Variants in COX19 observed in about 807,000 individuals in gnomAD.
The protein encoded by COX19 is cytochrome c oxidase assembly factor COX19, also known as cytochrome c oxidase assembly protein COX19.
In COX19, 8 loss-of-function variants were observed where a neutral mutation model predicts 6.8. The ratio of observed to expected loss-of-function variants is 1.18; its 90% CI spans 0.69 to 2.12. The LOEUF (loss-of-function observed/expected upper bound fraction) is 2.12. COX19 is among the 30% of genes most tolerant of loss of function. The pLI is 0.00. For synonymous variants in COX19, 51 were observed against 38.0 expected (o/e 1.34, Z -1.26); for missense variants, 131 against 104.6 (o/e 1.25, Z -1.10).
chr7:966,677 C>G lies in COX19; in HGVS notation c.*2701G>C, dbSNP rs1847559717. 6.6e-6 allele frequency: 1 copy of G among 152,272 alleles called. No individual in the cohort carries two copies. The highest frequency in any genetic ancestry group is 2.1e-4 in the South Asian group (1 of 4,828). 9.4% of individuals were successfully genotyped at this position (152,272 alleles called of 1,614,324 possible). On this transcript the variant is annotated 3_prime_UTR_variant, in exon 3 of 3. Transcript: ENST00000344111. ...GTCCAGGCCCTCAAGAGCTGGGAAGCATTTGTGCACAGCCCCTCACAACAG... is the reference window on the plus strand; with the variant it reads ...GTCCAGGCCCTCAAGAGCTGGGAAGGATTTGTGCACAGCCCCTCACAACAG...
chr7:971,369 A>C (rs1308990417), intron 2 of COX19, among the ~76,000 whole-genome samples: 1 of 152,218 alleles, frequency 6.6e-6, no homozygotes, highest in East Asian at 1.9e-4. Context: ...GGAGTAAAGT[A>C]ATGTCTAGGA....
Position 967,943 on chromosome 7 carries a change from G to A in COX19, c.*1435C>T, listed in dbSNP as rs1256049589. ...TCACGTGCACTGTGAGGACACTGGG[G>A]TTGCTATAGACAGTGCTGGGGCAAC... On this transcript the variant is annotated 3_prime_UTR_variant, in exon 3 of 3. Coordinates refer to ENST00000344111, the MANE Select transcript of COX19 (RefSeq NM_001031617.3). 6.6e-6 allele frequency: 1 copy of A among 152,310 alleles called. No homozygotes were observed. Among genetic ancestry groups the A allele is most frequent in the East Asian group, 1.9e-4 (1 of 5,200 alleles). The allele number at this position is 152,310 out of a possible 1,614,324, so 9.4% of individuals were successfully genotyped here.
chr7:974,880 A>C (rs1847683587), intron 1 of COX19: 2 of 152,286 alleles, frequency 1.3e-5, no homozygotes, highest in South Asian at 4.1e-4. Context: ...CTGGTCTCGA[A>C]CTCCTGATCT....
rs570851493 is a variant in COX19, at chr7:975,455, T to C, written c.55A>G (p.Lys19Glu). The change falls in exon 1 of 3, where the codon AAG (lysine) becomes GAG (glutamate). Residue 19 changes from lysine to glutamate, a missense_variant. Transcript: ENST00000344111. Reference protein sequence around the residue: ...TKSFQPRPPDKGSFPLDHLGE... With the variant: ...TKSFQPRPPDEGSFPLDHLGE... Reference sequence around the variant, plus strand: ...AAGTGATCCAGCGGGAAGCTGCCCTTGTCCGGGGGCCGCGGCTGGAAGCTC... The same window carrying C: ...AAGTGATCCAGCGGGAAGCTGCCCTCGTCCGGGGGCCGCGGCTGGAAGCTC... 13 of 1,600,214 alleles carry C rather than the reference T, an allele frequency of 8.1e-6. No individual in the cohort carries two copies. Among genetic ancestry groups the C allele is most frequent in the South Asian group, 1.1e-5 (1 of 89,212 alleles).
chr7:975,341 G>C, intron 1 of COX19, 87 bp downstream of exon 1: 1 of 1,072,972 alleles, frequency 9.3e-7, no homozygotes, highest in Admixed American at 2.8e-5. Flanking sequence ...CACCGCGCTA[G>C]ATGCCGGCAC....
rs1847557632 is a variant in COX19 at position 966,525 on chromosome 7, A to C, written c.*2853T>G. On this transcript the variant is annotated 3_prime_UTR_variant, in exon 3 of 3. Coordinates refer to ENST00000344111, the MANE Select transcript of COX19 (RefSeq NM_001031617.3). ...CCTTCCCATCCCCCCGTGTTATTTC[A>C]ACAAGTCTCCTCATCCCAGCAATTC... 6.6e-6 allele frequency: 1 copy of C among 152,258 alleles called. No homozygotes were observed. Among genetic ancestry groups the C allele is most frequent in the East Asian group, 1.9e-4 (1 of 5,198 alleles). The allele number at this position is 152,258 out of a possible 1,614,324, so 9.4% of individuals were successfully genotyped here. A position where few individuals can be genotyped will look rare whatever the true frequency, so the allele number is the denominator to read the frequency against.
chr7:973,317 G>A (rs572421021), intron 1 of COX19, 25 bp from the exon 2 acceptor site: 3 of 1,550,272 alleles, frequency 1.9e-6, no homozygotes, highest in South Asian at 2.4e-5. Context: ...AAAACAGCAT[G>A]TTCTTTTCAG....
chr7:973,379 C>A, intron 1 of COX19, 87 bp from the exon 2 acceptor site: 1 of 1,415,898 alleles, frequency 7.1e-7, no homozygotes. Flanking sequence ...GCTGCTTTTC[C>A]TTTCAAAACT....
At chr7:975,370 G>T in intron 1 of COX19, 58 bp downstream of exon 1, 1 of 1,394,090 alleles carries the variant, frequency 7.2e-7, no homozygotes, top group Non-Finnish European at 9.8e-7. Context: ...GCTCCGCGCT[G>T]GGCCGCGACC....
chr7:975,525 G>A lies in COX19; in HGVS notation c.-16C>T, dbSNP rs1464079055. ...CGGTCGACATGTTGGCGACTCCGGA[G>A]TCTGCGAGCGCCTTGCGAGCGTACG... On this transcript the variant is annotated 5_prime_UTR_variant, in exon 1 of 3. Transcript: ENST00000344111. The A allele has an allele frequency of 5.0e-6, 8 of 1,596,838 alleles. No homozygotes were observed. The highest frequency in any genetic ancestry group is 6.8e-6 in the Non-Finnish European group (8 of 1,172,756).
chr7:971,467 A>G (rs1847633985), intron 2 of COX19, among the ~76,000 whole-genome samples: 1 of 152,206 alleles, frequency 6.6e-6, no homozygotes, highest in South Asian at 2.1e-4. Context: ...CAACTTCTGT[A>G]TGTTTGATGA....
rs774371118 is a variant in COX19 at position 973,254 on chromosome 7, G to A, written c.121C>T (p.Leu41Phe). ...KSFKEKFMKC[L>F]HNNNFENALC... ...GCATTTTCAAAATTATTGTTATGAA[G>A]ACACTTCATGAATTTCTCTTTAAAG... Residue 41 changes from leucine to phenylalanine, a missense_variant, in exon 2 of 3, where the codon CTT (leucine) becomes TTT (phenylalanine). Leu to Phe is a conservative substitution (Grantham distance 22). Transcript: ENST00000344111. 39 of 1,598,012 alleles carry A rather than the reference G, an allele frequency of 2.4e-5. No homozygotes were observed. The highest frequency in any genetic ancestry group is 3.2e-5 in the Non-Finnish European group (38 of 1,174,008).
intron 2 of COX19, among the ~76,000 whole-genome samples, chr7:972,385 C>G (rs1481044470): frequency 6.6e-6 from 1 of 152,174 alleles, no homozygotes; most frequent in Admixed American, 6.5e-5. Context: ...GCCGGAAAGG[C>G]ACAACGGATT....
chr7:970,446 T>C (rs541763735), intron 2 of COX19, among the ~76,000 whole-genome samples: 93 of 148,702 alleles, frequency 6.3e-4, no homozygotes, highest in Middle Eastern at 3.5e-3. Context: ...CTAATTTTTT[T>C]TTTTTTTTTT....
At position 973,203 on chromosome 7, in the gene COX19, A is replaced by G; in HGVS notation, c.172T>C (p.Tyr58His). Reference sequence around the variant, plus strand: ...CACCTCTCCATCCTGCATTCTAAATATTCTTTTGATTCCTTTCTGCACAAA... The same window carrying G: ...CACCTCTCCATCCTGCATTCTAAATGTTCTTTTGATTCCTTTCTGCACAAA... ...NALCRKESKE[Y>H]LECRMERKLM... The change falls in exon 2 of 3, where the codon TAT becomes CAT. Residue 58 changes from tyrosine (Y) to histidine (H), a missense_variant. Physicochemically the swap from Tyr to His is moderately conservative, Grantham distance 83. Coordinates refer to ENST00000344111, the MANE Select transcript of COX19 (RefSeq NM_001031617.3). The G allele has an allele frequency of 6.2e-7, 1 of 1,600,546 alleles. No individual in the cohort carries two copies. Among genetic ancestry groups the G allele is most frequent in the South Asian group, 1.1e-5 (1 of 88,486 alleles).
intron 2 of COX19, 149 bp downstream of exon 2, chr7:973,032 C>T: frequency 2.3e-6 from 1 of 439,194 alleles, no homozygotes; most frequent in Non-Finnish European, 4.0e-6. Context: ...TGATAAGCCT[C>T]CATTTCAAGG....
At chr7:969,741 C>T (rs1232331137) in intron 2 of COX19, among the ~76,000 whole-genome samples, 1 of 152,196 alleles carries the variant, frequency 6.6e-6, no homozygotes, top group Non-Finnish European at 1.5e-5. Flanking sequence ...CAGCACACAA[C>T]ACTTCCCCAC....
chr7:973,356 C>T, intron 1 of COX19, 64 bp from the exon 2 acceptor site: 1 of 1,490,762 alleles, frequency 6.7e-7, no homozygotes, highest in Non-Finnish European at 8.9e-7. Flanking sequence ...CACACAACAG[C>T]CTTAAGAGCT....
intron 1 of COX19, among the ~76,000 whole-genome samples, chr7:974,637 C>T (rs191468817): frequency 1.1e-3 from 171 of 152,150 alleles, no homozygotes; most frequent in African/African-American, 3.9e-3. Flanking sequence ...AACAGTAATT[C>T]ACAGATCGTT....
Sources: gnomAD v4.1 joint callset for allele counts (sites outside exome capture counted in the v4.1 genomes callset) on GRCh38, gnomAD v4.1.1 for gene constraint, MANE v1.5 for transcripts, NCBI Gene and HGNC (gene_info 2026-07-23, HGNC 2026-07-21) for gene names.